The following PEX11B variants were observed in gnomAD, a reference collection of about 807,000 sequenced individuals.
PEX11B encodes peroxisomal biogenesis factor 11 beta.
PEX11B carries 18 observed loss-of-function variants against 28.2 expected under a neutral mutation model. That is an observed-to-expected ratio of 0.64 (90% confidence interval 0.44 to 0.95). The LOEUF (loss-of-function observed/expected upper bound fraction) is 0.95. Among genes scored for constraint, PEX11B ranks in the 40% least tolerant of loss-of-function variants. PEX11B has a pLI of 0.00. For missense variants in PEX11B, 305 were observed against 319.8 expected (o/e 0.95, Z 0.35); for synonymous variants, 128 against 128.7 (o/e 0.99, Z 0.04).
intron 3 of PEX11B, among the ~76,000 whole-genome samples, chr1:145,912,867 C>T (rs1045958196): frequency 3.3e-5 from 5 of 152,126 alleles, no homozygotes; most frequent in Non-Finnish European, 7.4e-5. Context: ...GCAGGTGGAT[C>T]ACCTGAGGTC....
chr1:145,914,703 T>C (rs1018434593), intron 3 of PEX11B, among the ~76,000 whole-genome samples: 2 of 152,236 alleles, frequency 1.3e-5, no homozygotes, highest in Non-Finnish European at 2.9e-5. Context: ...GCTCTTCAGG[T>C]ATGAGCTTAA....
Position 145,916,715 on chromosome 1 carries a change from T to C in PEX11B, c.374+102A>G, listed in dbSNP as rs587618955. The C allele has an allele frequency of 8.8e-5, 73 of 825,498 alleles. 1 individual carries two copies. Among genetic ancestry groups the C allele is most frequent in the East Asian group, 6.1e-4 (25 of 41,004 alleles). 51.1% of individuals were successfully genotyped at this position (825,498 alleles called of 1,614,324 possible). The stretch of plus-strand genomic sequence containing the variant: ...AAGCCAAGTGACTGATCAAGACTTA[T>C]ATACTCTGGAAAGATCCTAAGATAT... On this transcript the variant is annotated intron_variant, in intron 3 of 3. Coordinates refer to ENST00000369306, the MANE Select transcript of PEX11B (RefSeq NM_003846.3).
At chr1:145,913,798 C>T (rs1251133600) in intron 3 of PEX11B, among the ~76,000 whole-genome samples, 1 of 152,112 alleles carries the variant, frequency 6.6e-6, no homozygotes, top group Non-Finnish European at 1.5e-5. Flanking sequence ...TTATAAATTT[C>T]TTCAGTAAAA....
In PEX11B at chr1:145,917,747, C is replaced by T; in HGVS notation, c.126G>A (p.Gln42=). The change falls in exon 2 of 4, where the codon CAG becomes CAA. Residue 42 remains glutamine, a synonymous_variant. Transcript: ENST00000369306. ...GGCTCTCCAGTTGTCGAATCTGTTTCTGTAACTCAGGACTGGCTCCATGCC... is the reference window on the plus strand; with the variant it reads ...GGCTCTCCAGTTGTCGAATCTGTTTTTGTAACTCAGGACTGGCTCCATGCC... ...LQRHGASPEL[Q]KQIRQLESHL... is the part of the protein sequence containing the mutation. 1 of 1,613,560 alleles carries T rather than the reference C, an allele frequency of 6.2e-7. No homozygotes were observed. Among genetic ancestry groups the T allele is most frequent in the Non-Finnish European group, 8.5e-7 (1 of 1,179,440 alleles).
rs781919265 is a variant in PEX11B, at chr1:145,917,015, A to G, written c.176T>C (p.Leu59Pro). Residue 59 changes from leucine (L) to proline (P), a missense_variant, in exon 3 of 4, where the codon CTA becomes CCA. Transcript: ENST00000369306. ...ESHLSLGRKL[L>P]RLGNSADALE... Reference sequence around the variant, plus strand: ...GGCATCTGCTGAGTTACCCAGGCGTAGAACTTGTGGAGATTAGAAAGGGAA... The same window carrying G: ...GGCATCTGCTGAGTTACCCAGGCGTGGAACTTGTGGAGATTAGAAAGGGAA... 1 of 1,606,324 alleles carries G rather than the reference A, an allele frequency of 6.2e-7. No individual in the cohort carries two copies. The highest frequency in any genetic ancestry group is 8.5e-7 in the Non-Finnish European group (1 of 1,173,010).
chr1:145,915,287 A>G (rs1553753756), intron 3 of PEX11B, among the ~76,000 whole-genome samples: 3 of 152,220 alleles, frequency 2.0e-5, no homozygotes, highest in Non-Finnish European at 4.4e-5. Flanking sequence ...TATCTGTTGG[A>G]TGAAATGAAT....
rs782166116 is a variant in PEX11B, at chr1:145,918,680, G to A, written c.9C>T (p.Ala3=). MD[A]WVRFSAQSQA... ...GGCTCTGAGCACTGAAGCGGACCCA[G>A]GCGTCCATGACAGCCGCAGCCCAGG... The change falls in exon 1 of 4, where the codon GCC becomes GCT. Residue 3 remains alanine (A), a synonymous_variant. Coordinates refer to ENST00000369306, the MANE Select transcript of PEX11B (RefSeq NM_003846.3). 1 of 1,557,220 alleles carries A rather than the reference G, an allele frequency of 6.4e-7. No homozygotes were observed. The highest frequency in any genetic ancestry group is 8.7e-7 in the Non-Finnish European group (1 of 1,151,826).
chr1:145,918,514 C>T (rs1647550036), intron 1 of PEX11B, 119 bp downstream of exon 1: 1 of 1,539,300 alleles, frequency 6.5e-7, no homozygotes, highest in Non-Finnish European at 8.7e-7. Flanking sequence ...CCGTTCGGGC[C>T]CCCGTAGCCG....
chr1:145,914,134 G>C (rs781891217), intron 3 of PEX11B, among the ~76,000 whole-genome samples: 18 of 152,126 alleles, frequency 1.2e-4, no homozygotes, highest in Non-Finnish European at 2.4e-4. Context: ...CCAGCACTTC[G>C]GGAGGTGGAG....
chr1:145,914,646 C>A (rs1352122037), intron 3 of PEX11B, among the ~76,000 whole-genome samples: 1 of 152,138 alleles, frequency 6.6e-6, no homozygotes, highest in Non-Finnish European at 1.5e-5. Flanking sequence ...TCTCCCTCCA[C>A]CTGGAATATT....
Position 145,917,150 on chromosome 1 carries a change from G to C in PEX11B, c.173-132C>G, listed in dbSNP as rs1452875498. 5 of 655,842 alleles carry C rather than the reference G, an allele frequency of 7.6e-6. No homozygotes were observed. The African/African-American group carries it at 8.9e-5, about 12-fold the overall frequency. The allele number at this position is 655,842 out of a possible 1,614,324, so 40.6% of individuals were successfully genotyped here. A position where few individuals can be genotyped will look rare whatever the true frequency, so the allele number is the denominator to read the frequency against. ...CAATTTTTTTAAAGAGCAGAAACAG[G>C]CTGGGCATGGTGGCTCAAGCCTGTA... On this transcript the variant is annotated intron_variant, in intron 2 of 3. Coordinates refer to ENST00000369306, the MANE Select transcript of PEX11B (RefSeq NM_003846.3).
rs782522412 is a variant in PEX11B at position 145,916,905 on chromosome 1, A to G, written c.286T>C (p.Tyr96His). Residue 96 changes from tyrosine to histidine, a missense_variant, in exon 3 of 4, where the codon TAC becomes CAC. Physicochemically the swap from Tyr to His is moderately conservative, Grantham distance 83 (BLOSUM62 2). Coordinates refer to ENST00000369306, the MANE Select transcript of PEX11B (RefSeq NM_003846.3). ...ITVSHLNRAL[Y>H]FACDNVLWAG... ...CACAGGACATTGTCACAGGCGAAGTACAAGGCTCGATTGAGGTGACTAACA... is the reference window on the plus strand; with the variant it reads ...CACAGGACATTGTCACAGGCGAAGTGCAAGGCTCGATTGAGGTGACTAACA... The G allele has an allele frequency of 1.2e-6, 2 of 1,614,090 alleles. No individual in the cohort carries two copies. Among genetic ancestry groups the G allele is most frequent in the Non-Finnish European group, 1.7e-6 (2 of 1,179,910 alleles).
chr1:145,914,353 G>A lies in PEX11B; in HGVS notation c.375-1787C>T, dbSNP rs587676820. On this transcript the variant is annotated intron_variant, in intron 3 of 3. Transcript: ENST00000369306. ...TGCACCATTGCGCTCCAGCCTGGGC[G>A]ACAGAGCAAGACTCCATCTCAAAAA... Among the ~76,000 whole-genome samples, 11 of 146,470 alleles carry A rather than the reference G, an allele frequency of 7.5e-5. No individual in the cohort carries two copies. In the South Asian group the frequency reaches 1.3e-3, roughly 17 times the overall value.
chr1:145,916,885 G>A lies in PEX11B; in HGVS notation c.306C>T (p.Val102=). ...CCAGTCCAGACTTTCCAGCCCACAG[G>A]ACATTGTCACAGGCGAAGTACAAGG... is the stretch of plus-strand genomic sequence containing the variant. ...NRALYFACDN[V]LWAGKSGLAP... is the part of the protein sequence containing the mutation. The change falls in exon 3 of 4, where the codon GTC becomes GTT. Residue 102 remains valine (V), a synonymous_variant. Coordinates refer to ENST00000369306, the MANE Select transcript of PEX11B (RefSeq NM_003846.3). 7 of 1,614,100 alleles carry A rather than the reference G, an allele frequency of 4.3e-6. No homozygotes were observed. Among genetic ancestry groups the A allele is most frequent in the Non-Finnish European group, 5.9e-6 (7 of 1,179,982 alleles).
At chr1:145,913,539 T>C (rs1297081658) in intron 3 of PEX11B, among the ~76,000 whole-genome samples, 3 of 151,720 alleles carry the variant, frequency 2.0e-5, no homozygotes, top group Non-Finnish European at 4.4e-5. Context: ...TTAAACTCCA[T>C]GAGCATCATG....
rs782693092 is a variant in PEX11B, at chr1:145,917,686, G to T, written c.172+15C>A. The T allele has an allele frequency of 7.0e-6, 10 of 1,419,466 alleles. No homozygotes were observed. Among genetic ancestry groups the T allele is most frequent in the South Asian group, 5.7e-5 (5 of 87,138 alleles). The allele number at this position is 1,419,466 out of a possible 1,614,324, so 87.9% of individuals were successfully genotyped here. ...GGAAAGGTTGGGGGATAAAAGGAAA[G>T]ACAGAGTTACTTACGCTTTCTTCCA... On this transcript the variant is annotated intron_variant, in intron 2 of 3. Coordinates refer to ENST00000369306, the MANE Select transcript of PEX11B (RefSeq NM_003846.3).
At chr1:145,916,736 G>T in intron 3 of PEX11B, 81 bp downstream of exon 3, 1 of 971,138 alleles carries the variant, frequency 1.0e-6, no homozygotes, top group Non-Finnish European at 1.6e-6. Context: ...AAGATCCTAA[G>T]ATATCTTTCC....
At chr1:145,915,877 C>T (rs1020625924) in intron 3 of PEX11B, among the ~76,000 whole-genome samples, 3 of 152,130 alleles carry the variant, frequency 2.0e-5, no homozygotes, top group African/African-American at 4.8e-5. Flanking sequence ...CGTGATCCCC[C>T]CAACCTCGGC....
chr1:145,913,897 A>G (rs901782943), intron 3 of PEX11B, among the ~76,000 whole-genome samples: 1 of 152,114 alleles, frequency 6.6e-6, no homozygotes, highest in African/African-American at 2.4e-5. Context: ...CCTGAACCCA[A>G]CCAACCACAT....
Sources: gnomAD v4.1 joint callset for allele counts (sites outside exome capture counted in the v4.1 genomes callset) on GRCh38, gnomAD v4.1.1 for gene constraint, MANE v1.5 for transcripts, NCBI Gene and HGNC (gene_info 2026-07-23, HGNC 2026-07-21) for gene names.